TNRC6B: variants seen among roughly 807,000 people sequenced by gnomAD.
The protein encoded by TNRC6B is trinucleotide repeat-containing gene 6B protein.
In TNRC6B, 52 loss-of-function variants were observed where a neutral mutation model predicts 203.6. The observed-to-expected ratio is 0.26, with a 90% CI of 0.20 to 0.32. The LOEUF is 0.32. Ranked by LOEUF, TNRC6B falls within the 10% of genes least tolerant of loss-of-function variation. The pLI, the probability that TNRC6B is intolerant of heterozygous loss-of-function variation, is 1.00. For missense variants in TNRC6B, 1,923 were observed against 2,286.2 expected, an observed-to-expected ratio of 0.84 and a Z score of 3.24; for synonymous variants, 838 against 845.7, an observed-to-expected ratio of 0.99 and a Z score of 0.16.
intron 1 of TNRC6B, among the ~76,000 whole-genome samples, chr22:40,052,783 C>T (rs1464650705): frequency 6.6e-6 from 1 of 152,126 alleles, no homozygotes; most frequent in African/African-American, 2.4e-5. Context: ...GACTGAGTTT[C>T]TTGAAGGCAG....
At position 40,324,820 on chromosome 22, in the gene TNRC6B, C is replaced by T. The variant is rs2071382845; in HGVS notation, c.*1579C>T. 6.6e-6 allele frequency: 1 copy of T among 152,238 alleles called. No individual in the cohort carries two copies. The highest frequency in any genetic ancestry group is 2.1e-4 in the South Asian group (1 of 4,812). The allele number at this position is 152,238 out of a possible 1,614,324, so 9.4% of individuals were successfully genotyped here. A position where few individuals can be genotyped will look rare whatever the true frequency, so the allele number is the denominator to read the frequency against. ...TTTTTTTGATTTTTGACCTCTTCCC[C>T]CCACCTTGTAATTTTGCTTTTTTAA... On this transcript the variant is annotated 3_prime_UTR_variant, in exon 23 of 23. Coordinates refer to ENST00000454349, the MANE Select transcript of TNRC6B (RefSeq NM_001162501.2).
rs59067007 is a variant in TNRC6B at position 40,200,278 on chromosome 22, CTT to C, written c.5+22161_5+22162del. 1.6e-4 allele frequency among the ~76,000 whole-genome samples: 12 copies of C among 75,508 alleles called. No individual in the cohort carries two copies. In the South Asian group the frequency reaches 6.1e-3, roughly 38 times the overall value. 49.5% of individuals were successfully genotyped at this position (75,508 alleles called of 152,430 possible). On this transcript the variant is annotated intron_variant, in intron 1 of 22. Transcript: ENST00000454349. The stretch of plus-strand genomic sequence containing the variant: ...TTAAAATAATTTAAAAAGTAATATT[CTT>C]TTTTTTTTTTTTTTTTTTTTTTGAG...
At chr22:40,217,339 C>T (rs1418607132) in intron 1 of TNRC6B, among the ~76,000 whole-genome samples, 1 of 152,158 alleles carries the variant, frequency 6.6e-6, no homozygotes, top group East Asian at 1.9e-4. Flanking sequence ...AGGAACCTGA[C>T]ATTGTGTAGC....
At chr22:40,048,758 A>G (rs1484224409) in intron 1 of TNRC6B, among the ~76,000 whole-genome samples, 4 of 152,102 alleles carry the variant, frequency 2.6e-5, no homozygotes, top group Non-Finnish European at 5.9e-5. Flanking sequence ...ATCACTCCAA[A>G]AAAAACTCCC....
At chr22:40,319,015 G>A (rs1220599165) in intron 21 of TNRC6B, among the ~76,000 whole-genome samples, 1 of 152,116 alleles carries the variant, frequency 6.6e-6, no homozygotes, top group African/African-American at 2.4e-5. Flanking sequence ...AGGCTGCAGT[G>A]AGCTGAGATC....
At chr22:40,317,848 A>C (rs1460052696) in intron 21 of TNRC6B, among the ~76,000 whole-genome samples, 1 of 152,220 alleles carries the variant, frequency 6.6e-6, no homozygotes, top group Non-Finnish European at 1.5e-5. Context: ...CACCTTGTTA[A>C]AAGGAGTCTG....
intron 1 of TNRC6B, among the ~76,000 whole-genome samples, chr22:40,224,375 C>G (rs2069755645): frequency 6.6e-6 from 1 of 152,124 alleles, no homozygotes. Flanking sequence ...AGGAGGCTAT[C>G]TTTCCTTTTC....
rs768801377 is a variant in TNRC6B at position 40,273,421 on chromosome 22, A to G, written c.2966-4A>G. The G allele has an allele frequency of 2.5e-6, 4 of 1,594,972 alleles. No homozygotes were observed. The highest frequency in any genetic ancestry group is 8.5e-7 in the Non-Finnish European group (1 of 1,172,260). On this transcript the variant is annotated splice_region_variant and splice_polypyrimidine_tract_variant and intron_variant, in intron 6 of 22. Transcript: ENST00000454349. The stretch of plus-strand genomic sequence containing the variant: ...CAAAGAGTTAATTCATTCTTTCCTT[A>G]AAGATTCCAAATCTATGCAAGACGG...
At chr22:40,067,078 A>G (rs892850021) in intron 1 of TNRC6B, among the ~76,000 whole-genome samples, 6 of 151,666 alleles carry the variant, frequency 4.0e-5, no homozygotes, top group Admixed American at 2.0e-4. Context: ...TAATTTTTGT[A>G]TTTTTTGTAG....
chr22:40,090,582 T>C (rs751144337), intron 1 of TNRC6B, among the ~76,000 whole-genome samples: 1 of 152,188 alleles, frequency 6.6e-6, no homozygotes, highest in Non-Finnish European at 1.5e-5. Flanking sequence ...ATATTTTGGA[T>C]AACAGTCCTT....
chr22:40,154,964 A>C (rs879462645), intron 3 of TNRC6B, among the ~76,000 whole-genome samples: 16 of 139,634 alleles, frequency 1.1e-4, no homozygotes, highest in Non-Finnish European at 2.3e-4. Context: ...TATTTATAGA[A>C]TCATACTACA....
At chr22:40,220,307 G>T (rs2069690867) in intron 1 of TNRC6B, among the ~76,000 whole-genome samples, 1 of 152,184 alleles carries the variant, frequency 6.6e-6, no homozygotes, top group Admixed American at 6.5e-5. Context: ...GTAATTCCCA[G>T]TGTGACCAGG....
intron 1 of TNRC6B, among the ~76,000 whole-genome samples, chr22:40,188,274 C>A (rs186481664): frequency 1.3e-5 from 2 of 152,230 alleles, no homozygotes; most frequent in Admixed American, 1.3e-4. Flanking sequence ...CTTGTTCACA[C>A]TGGAGAGAGT....
At chr22:40,165,768 C>T (rs2068914221) in intron 4 of TNRC6B, among the ~76,000 whole-genome samples, 1 of 152,050 alleles carries the variant, frequency 6.6e-6, no homozygotes, top group Non-Finnish European at 1.5e-5. Flanking sequence ...GGGAAAGCTC[C>T]TTATATAACC....
intron 1 of TNRC6B, among the ~76,000 whole-genome samples, chr22:40,220,974 C>G (rs186606836): frequency 6.6e-6 from 1 of 152,188 alleles, no homozygotes; most frequent in African/African-American, 2.4e-5. Context: ...ACCCAAAGCC[C>G]CGCCTCACAT....
At chr22:40,294,360 T>TA (rs369396296) in intron 12 of TNRC6B, among the ~76,000 whole-genome samples, 24 of 152,334 alleles carry the variant, frequency 1.6e-4, no homozygotes, top group African/African-American at 5.8e-4. Context: ...CATCATCCGA[T>TA]GTTCTCCCGT....
intron 1 of TNRC6B, among the ~76,000 whole-genome samples, chr22:40,075,833 T>G (rs2068008818): frequency 6.6e-6 from 1 of 152,244 alleles, no homozygotes; most frequent in Non-Finnish European, 1.5e-5. Flanking sequence ...GCAGTCTGCC[T>G]TAAAATAATA....
chr22:40,130,810 A>C (rs1223773132), intron 3 of TNRC6B, among the ~76,000 whole-genome samples: 1 of 151,256 alleles, frequency 6.6e-6, no homozygotes, highest in African/African-American at 2.4e-5. Context: ...AAAATAGTTA[A>C]CAAATGAATA....
At chr22:40,065,137 A>G (rs2067885194) in intron 1 of TNRC6B, among the ~76,000 whole-genome samples, 1 of 151,802 alleles carries the variant, frequency 6.6e-6, no homozygotes, top group Non-Finnish European at 1.5e-5. Context: ...AGGGTTTGTA[A>G]ATAATTGATA....
Sources: gnomAD v4.1 joint callset for allele counts (sites outside exome capture counted in the v4.1 genomes callset) on GRCh38, gnomAD v4.1.1 for gene constraint, MANE v1.5 for transcripts, NCBI Gene and HGNC (gene_info 2026-07-23, HGNC 2026-07-21) for gene names.